Variants in STAB2 observed in about 807,000 individuals in gnomAD.
STAB2 encodes stabilin-2.
STAB2 carries 288 observed loss-of-function variants against 338.1 expected under a neutral mutation model. That is an observed-to-expected ratio of 0.85 (90% CI 0.77 to 0.94). STAB2 has a LOEUF of 0.94. Ranked by LOEUF, STAB2 falls within the 40% of genes least tolerant of loss-of-function variation. STAB2 has a pLI of 0.00. For missense variants in STAB2, 3,141 were observed against 3,210.1 expected (o/e 0.98, Z 0.52); for synonymous variants, 1,202 against 1,193.3 (o/e 1.01, Z -0.15).
At chr12:103,749,198 G>A (rs1171950652) in intron 59 of STAB2, 42 bp downstream of exon 59, 9 of 1,550,834 alleles carry the variant, frequency 5.8e-6, no homozygotes, top group South Asian at 2.4e-5. Context: ...GCAGCGCCGT[G>A]GGCTTCGCTC....
At chr12:103,707,713 C>T (rs981005244) in intron 38 of STAB2, among the ~76,000 whole-genome samples, 2 of 152,190 alleles carry the variant, frequency 1.3e-5, no homozygotes, top group Non-Finnish European at 2.9e-5. Context: ...CATTATTCTA[C>T]CTAGTACTAA....
intron 25 of STAB2, among the ~76,000 whole-genome samples, chr12:103,682,553 C>T (rs1877015495): frequency 6.6e-6 from 1 of 152,146 alleles, no homozygotes; most frequent in Non-Finnish European, 1.5e-5. Flanking sequence ...TACCCCACAG[C>T]TTGCTTAACC....
chr12:103,696,925 T>C (rs577991297), intron 33 of STAB2, among the ~76,000 whole-genome samples: 1 of 152,312 alleles, frequency 6.6e-6, no homozygotes, highest in Non-Finnish European at 1.5e-5. Flanking sequence ...TGTGTGAGGC[T>C]GTATTAAGTA....
At chr12:103,713,881 C>A in intron 42 of STAB2, 113 bp downstream of exon 42, 1 of 1,509,472 alleles carries the variant, frequency 6.6e-7, no homozygotes, top group Non-Finnish European at 9.0e-7. Flanking sequence ...GTCAGTATTC[C>A]ATTTGCCAGG....
chr12:103,748,769 A>G (rs1411584800), intron 58 of STAB2, among the ~76,000 whole-genome samples, 194 bp from the exon 59 acceptor site: 2 of 152,170 alleles, frequency 1.3e-5, no homozygotes, highest in African/African-American at 2.4e-5. Context: ...GGCTGCATCT[A>G]TGAGGGTGTC....
Position 103,750,680 on chromosome 12 carries a change from G to A in STAB2, c.6540G>A (p.Gln2180=). ...PIDRCLQDNG[Q]CHADAKCVDL... ...ACCGCTGCTTACAGGACAATGGGCA[G>A]TGCCATGCAGACGCCAAATGTGTCG... The change falls in exon 60 of 69, where the codon CAG becomes CAA. Residue 2180 remains glutamine, a synonymous_variant. Transcript: ENST00000388887. 6.2e-7 allele frequency: 1 copy of A among 1,614,206 alleles called. No individual in the cohort carries two copies. Among genetic ancestry groups the A allele is most frequent in the Non-Finnish European group, 8.5e-7 (1 of 1,180,008 alleles).
chr12:103,736,933 G>A (rs1379785835), intron 52 of STAB2, among the ~76,000 whole-genome samples: 1 of 152,162 alleles, frequency 6.6e-6, no homozygotes, highest in Non-Finnish European at 1.5e-5. Context: ...CTCAGGAAAG[G>A]AAGCCCTGAG....
At chr12:103,622,141 T>A in intron 5 of STAB2, 30 bp downstream of exon 5, 1 of 1,609,708 alleles carries the variant, frequency 6.2e-7, no homozygotes, top group Non-Finnish European at 8.5e-7. Flanking sequence ...AATCACCACA[T>A]TTGTAAGGGT....
intron 44 of STAB2, among the ~76,000 whole-genome samples, 199 bp from the exon 45 acceptor site, chr12:103,724,776 A>C (rs1881047871): frequency 7.2e-5 from 11 of 152,222 alleles, no homozygotes; most frequent in Admixed American, 7.2e-4. Context: ...ATCTTAGGAT[A>C]CAAGGCCAGG....
rs747646825 is a variant in STAB2 at position 103,717,842 on chromosome 12, G to A, written c.4683+1G>A. The stretch of plus-strand genomic sequence containing the variant: ...CACACTCATCAATGTCTGCTTAACT[G>A]TGAGTATGGCTCTAGGGTGGATATC... On this transcript the variant is annotated splice_donor_variant, in intron 44 of 68. Coordinates refer to ENST00000388887, the MANE Select transcript of STAB2 (RefSeq NM_017564.10). LOFTEE classifies it high-confidence loss of function. 2.5e-6 allele frequency: 4 copies of A among 1,613,962 alleles called. No homozygotes were observed. The African/African-American group carries it at 4.0e-5, about 16-fold the overall frequency.
At chr12:103,723,258 T>C (rs10444529) in intron 44 of STAB2, among the ~76,000 whole-genome samples, 12,904 of 152,254 alleles carry the variant, frequency 0.085, 1,216 homozygotes, top group African/African-American at 0.24. Context: ...AAAGGTTTAT[T>C]GGGCTTACAG....
Position 103,649,398 on chromosome 12 carries a change from C to A in STAB2, c.1174+575C>A, listed in dbSNP as rs1261684324. ...AGCCTAAAACACCCTCATGTATTTG[C>A]AAATGACTTCTAAGGGCCATTACTC... On this transcript the variant is annotated intron_variant, in intron 10 of 68. Coordinates refer to ENST00000388887, the MANE Select transcript of STAB2 (RefSeq NM_017564.10). Among the ~76,000 whole-genome samples the A allele has an allele frequency of 2.0e-5, 3 of 152,132 alleles. No individual in the cohort carries two copies. In the East Asian group the frequency reaches 5.8e-4, roughly 29 times the overall value.
chr12:103,763,704 G>A, intron 68 of STAB2, 96 bp downstream of exon 68: 2 of 1,160,390 alleles, frequency 1.7e-6, no homozygotes, highest in Non-Finnish European at 2.5e-6. Flanking sequence ...TACCAAAGAA[G>A]GTTCATTTCT....
Position 103,669,522 on chromosome 12 carries a change from C to T in STAB2, c.2173-19C>T, listed in dbSNP as rs1434757832. On this transcript the variant is annotated intron_variant, in intron 20 of 68. Transcript: ENST00000388887. ...CTCTACTTGGGGGTTCAAAGGGGAA[C>T]ACGCATTTTGTTTTTCAGATTCCAA... 2 of 1,608,432 alleles carry T rather than the reference C, an allele frequency of 1.2e-6. No individual in the cohort carries two copies. The highest frequency in any genetic ancestry group is 1.7e-6 in the Non-Finnish European group (2 of 1,174,880).
intron 44 of STAB2, among the ~76,000 whole-genome samples, chr12:103,724,773 G>T (rs1881047383): frequency 7.2e-5 from 11 of 152,176 alleles, no homozygotes; most frequent in Admixed American, 7.2e-4. Flanking sequence ...GTCATCTTAG[G>T]ATACAAGGCC....
chr12:103,765,716 A>AT (rs1225483873), intron 68 of STAB2, among the ~76,000 whole-genome samples: 1 of 151,626 alleles, frequency 6.6e-6, no homozygotes, highest in African/African-American at 2.4e-5. Flanking sequence ...TAATTTTTGT[A>AT]TTTTTTGTAG....
At chr12:103,684,284 G>A (rs972424263) in intron 26 of STAB2, among the ~76,000 whole-genome samples, 1 of 152,136 alleles carries the variant, frequency 6.6e-6, no homozygotes, top group Non-Finnish European at 1.5e-5. Context: ...CTGGGTGCAG[G>A]TGTCTACATA....
chr12:103,621,266 C>T (rs1957297056), intron 4 of STAB2, among the ~76,000 whole-genome samples: 2 of 149,368 alleles, frequency 1.3e-5, no homozygotes. Context: ...CCTTATGGTG[C>T]TATCCTCTGC....
At chr12:103,700,686 A>G (rs1306108671) in intron 34 of STAB2, among the ~76,000 whole-genome samples, 1 of 152,212 alleles carries the variant, frequency 6.6e-6, no homozygotes, top group African/African-American at 2.4e-5. Context: ...GTAGAGATTA[A>G]TGCCCAATGC....
Sources: gnomAD v4.1 joint callset for allele counts (sites outside exome capture counted in the v4.1 genomes callset) on GRCh38, gnomAD v4.1.1 for gene constraint, MANE v1.5 for transcripts, NCBI Gene and HGNC (gene_info 2026-07-23, HGNC 2026-07-21) for gene names.